NTRK3: variants seen among roughly 807,000 people sequenced by gnomAD.
The protein encoded by NTRK3 is NT-3 growth factor receptor.
A neutral mutation model predicts 91.7 loss-of-function variants in NTRK3; 24 were observed. The observed-to-expected ratio is 0.26, with a 90% CI of 0.19 to 0.37. The LOEUF is 0.37. Ranked by LOEUF, NTRK3 falls within the 10% of genes least tolerant of loss-of-function variation. The probability of loss-of-function intolerance (pLI) is 1.00; values close to 1 mark genes in which losing one functional copy is unlikely to be tolerated. For missense variants in NTRK3, 880 were observed against 1,068.9 expected (o/e 0.82, Z 2.46); for synonymous variants, 483 against 404.0 (o/e 1.20, Z -2.34).
intron 5 of NTRK3, among the ~76,000 whole-genome samples, chr15:88,172,426 G>A (rs1286290731): frequency 1.3e-5 from 2 of 152,190 alleles, no homozygotes; most frequent in African/African-American, 4.8e-5. Context: ...AATCTACTGA[G>A]AATAATCAAG....
chr15:88,152,632 G>A (rs1207545954), intron 5 of NTRK3, among the ~76,000 whole-genome samples: 4 of 152,190 alleles, frequency 2.6e-5, no homozygotes, highest in African/African-American at 9.6e-5. Flanking sequence ...CCAGACTGTG[G>A]CATTGAGTTC....
At chr15:88,036,483 A>C (rs1170917823) in intron 13 of NTRK3, among the ~76,000 whole-genome samples, 3 of 152,216 alleles carry the variant, frequency 2.0e-5, no homozygotes, top group South Asian at 4.1e-4. Flanking sequence ...AATGTGTAAA[A>C]ATTTGCCTTG....
rs1028881107 is a variant in NTRK3, at chr15:87,926,470, C to T, written c.2133+2721G>A. Among the ~76,000 whole-genome samples the T allele has an allele frequency of 2.0e-5, 3 of 152,288 alleles. No homozygotes were observed. The East Asian group carries it at 5.8e-4, about 29-fold the overall frequency. On this transcript the variant is annotated intron_variant, in intron 17 of 18. Transcript: ENST00000394480. The stretch of plus-strand genomic sequence containing the variant: ...AGCTAGCTGGCCTTGGCTAACATCG[C>T]CCTTAGAACTCATGAAGAAGGAATT...
chr15:87,959,097 C>T (rs1387614446), intron 14 of NTRK3, among the ~76,000 whole-genome samples: 1 of 151,346 alleles, frequency 6.6e-6, no homozygotes, highest in African/African-American at 2.4e-5. Context: ...GCAGCCACTA[C>T]CTGTCTGTGA....
chr15:88,220,261 G>C (rs1319699831), intron 3 of NTRK3, among the ~76,000 whole-genome samples: 1 of 152,210 alleles, frequency 6.6e-6, no homozygotes, highest in African/African-American at 2.4e-5. Flanking sequence ...TCTTGGGGTT[G>C]TGGAGTCCCA....
chr15:88,213,446 TG>T (rs2049438838), intron 3 of NTRK3, among the ~76,000 whole-genome samples: 1 of 152,188 alleles, frequency 6.6e-6, no homozygotes, highest in Non-Finnish European at 1.5e-5. Context: ...CTTGAGATGC[TG>T]TGAGGGTGTG....
At chr15:87,885,953 T>C (rs2065512662) in intron 17 of NTRK3, among the ~76,000 whole-genome samples, 1 of 151,874 alleles carries the variant, frequency 6.6e-6, no homozygotes, top group Admixed American at 6.6e-5. Flanking sequence ...GTACAATATA[T>C]GTAACAGACA....
At chr15:87,969,043 T>C (rs2073038962) in intron 14 of NTRK3, among the ~76,000 whole-genome samples, 1 of 152,036 alleles carries the variant, frequency 6.6e-6, no homozygotes, top group African/African-American at 2.4e-5. Context: ...CCCTGCCAGG[T>C]ACCAAGGTAT....
chr15:88,011,215 G>C (rs2076856758), intron 14 of NTRK3, among the ~76,000 whole-genome samples: 1 of 152,102 alleles, frequency 6.6e-6, no homozygotes. Flanking sequence ...CCACACCTTT[G>C]TATCTGTTGT....
At chr15:87,988,892 AT>A (rs1364513182) in intron 14 of NTRK3, among the ~76,000 whole-genome samples, 3 of 151,980 alleles carry the variant, frequency 2.0e-5, no homozygotes, top group African/African-American at 7.2e-5. Context: ...TTATCATTAT[AT>A]TTTTTTCATG....
chr15:87,877,398 TTC>T (rs2141441987), intron 18 of NTRK3, among the ~76,000 whole-genome samples: 1 of 152,250 alleles, frequency 6.6e-6, no homozygotes, highest in East Asian at 1.9e-4. Flanking sequence ...CCATACTCTC[TTC>T]TCTTTTACCT....
rs377381605 is a variant in NTRK3 at position 88,113,687 on chromosome 15, G to A, written c.1396+12584C>T. The stretch of plus-strand genomic sequence containing the variant: ...TGGCCTGCAGGCCAAATCTGGCCTG[G>A]CACCTGTTTTTTATAAATAAAGTTT... On this transcript the variant is annotated intron_variant, in intron 13 of 18. Transcript: ENST00000394480. 2.6e-5 allele frequency among the ~76,000 whole-genome samples: 4 copies of A among 152,044 alleles called. No homozygotes were observed. The East Asian group carries it at 7.7e-4, about 29-fold the overall frequency.
exon 19 of NTRK3, chr15:87,873,839 A>G (rs753342477): frequency 2.6e-5 from 6 of 231,570 alleles, no homozygotes; most frequent in Non-Finnish European, 5.1e-5. Flanking sequence ...TGTTGAGACA[A>G]GGGGCAAAGA....
exon 19 of NTRK3, chr15:87,870,009 T>C (rs1018200544): frequency 1.3e-4 from 25 of 193,104 alleles, no homozygotes; most frequent in Middle Eastern, 1.8e-3. Flanking sequence ...TAAAAGAATG[T>C]CAGTAATCCC....
intron 14 of NTRK3, among the ~76,000 whole-genome samples, chr15:87,942,943 G>T (rs2070042518): frequency 6.6e-6 from 1 of 152,196 alleles, no homozygotes; most frequent in East Asian, 1.9e-4. Context: ...GGGATTCAGA[G>T]CATCAGGACA....
chr15:87,954,005 T>A (rs912068541), intron 14 of NTRK3, among the ~76,000 whole-genome samples: 1 of 139,084 alleles, frequency 7.2e-6, no homozygotes, highest in Non-Finnish European at 1.5e-5. Context: ...CCAGACCTTT[T>A]CAGTGTGTGT....
intron 17 of NTRK3, among the ~76,000 whole-genome samples, chr15:87,893,480 C>A (rs1286344292): frequency 6.6e-6 from 1 of 152,208 alleles, no homozygotes; most frequent in Non-Finnish European, 1.5e-5. Context: ...CTCCTACCTC[C>A]CAACTCACCC....
intron 14 of NTRK3, among the ~76,000 whole-genome samples, chr15:87,979,914 T>C (rs1305058822): frequency 6.6e-6 from 1 of 152,128 alleles, no homozygotes. Flanking sequence ...TCTTTAAGGA[T>C]ACCAGAGGGG....
chr15:87,910,628 C>T (rs921221924), intron 17 of NTRK3, among the ~76,000 whole-genome samples: 2 of 152,122 alleles, frequency 1.3e-5, no homozygotes, highest in Non-Finnish European at 2.9e-5. Flanking sequence ...GGGGTTATAA[C>T]CATGTGAGTG....
Sources: gnomAD v4.1 joint callset for allele counts (sites outside exome capture counted in the v4.1 genomes callset) on GRCh38, gnomAD v4.1.1 for gene constraint, MANE v1.5 for transcripts, NCBI Gene and HGNC (gene_info 2026-07-23, HGNC 2026-07-21) for gene names.